PTPRO: variants seen among roughly 807,000 people sequenced by gnomAD.
The protein encoded by PTPRO is protein tyrosine phosphatase receptor type O.
Under a neutral mutation model 145.2 loss-of-function variants are expected in PTPRO, and 62 were observed. That is an observed-to-expected ratio of 0.43 (90% CI 0.35 to 0.53). The LOEUF is 0.53. Ranked by LOEUF, PTPRO falls within the 20% of genes least tolerant of loss-of-function variation. PTPRO has a pLI of 0.01. For missense variants in PTPRO, 1,345 were observed against 1,482.7 expected (o/e 0.91, Z 1.53); for synonymous variants, 565 against 514.7 (o/e 1.10, Z -1.32).
At position 15,501,773 on chromosome 12, in the gene PTPRO, C is replaced by T. The variant is rs775148915; in HGVS notation, c.815C>T (p.Pro272Leu). 1 of 1,614,102 alleles carries T rather than the reference C, an allele frequency of 6.2e-7. No individual in the cohort carries two copies. The highest frequency in any genetic ancestry group is 1.3e-5 in the African/African-American group (1 of 75,056). The part of the protein sequence containing the change: ...EKLFHFTEET[P>L]EIPSGNISSG... ...CTCTTCCATTTTACAGAAGAAACCCCTGAAATTCCCTCGGGCAACATTTCT... is the reference window on the plus strand; with the variant it reads ...CTCTTCCATTTTACAGAAGAAACCCTTGAAATTCCCTCGGGCAACATTTCT... The change falls in exon 5 of 27, where the codon CCT becomes CTT. Residue 272 changes from proline (P) to leucine (L), a missense_variant. This residue lies in a region of PTPRO where 1,130 missense variants were observed against 1,214.7 expected (regional missense o/e 0.93). Transcript: ENST00000281171.
At chr12:15,580,205 G>A in intron 21 of PTPRO, 90 bp downstream of exon 21, 1 of 1,035,160 alleles carries the variant, frequency 9.7e-7, no homozygotes. Flanking sequence ...CAGTTCAAAA[G>A]AGAGCCTTTC....
intron 1 of PTPRO, among the ~76,000 whole-genome samples, chr12:15,471,717 C>T (rs1291176528): frequency 6.6e-6 from 1 of 152,132 alleles, no homozygotes; most frequent in African/African-American, 2.4e-5. Flanking sequence ...GAGGGTATCC[C>T]CAGTGTTCTG....
chr12:15,594,717 CTG>C (rs1173868299), intron 25 of PTPRO, among the ~76,000 whole-genome samples: 1 of 151,992 alleles, frequency 6.6e-6, no homozygotes, highest in Non-Finnish European at 1.5e-5. Flanking sequence ...AAAAATTCCA[CTG>C]TTTTTTTAAA....
In PTPRO at chr12:15,508,589, T is replaced by C. The variant is rs1312451021; in HGVS notation, c.1286T>C (p.Ile429Thr). The stretch of plus-strand genomic sequence containing the variant: ...TGTGCAGGTCCTTCAGGAGAGTGGA[T>C]TGAAGAACTGACCGAGAAGCCGCAG... ...SFYISPSGEW[I>T]EELTEKPQHV... The change falls in exon 7 of 27, where the codon ATT becomes ACT. Residue 429 changes from isoleucine to threonine, a missense_variant. Transcript: ENST00000281171. 3.7e-6 allele frequency: 6 copies of C among 1,613,978 alleles called. No individual in the cohort carries two copies. The highest frequency in any genetic ancestry group is 8.5e-7 in the Non-Finnish European group (1 of 1,179,996).
intron 1 of PTPRO, among the ~76,000 whole-genome samples, chr12:15,330,065 T>A (rs1435512875): frequency 6.6e-6 from 1 of 152,178 alleles, no homozygotes; most frequent in Non-Finnish European, 1.5e-5. Flanking sequence ...GAAAGAAGGA[T>A]CTCTGTATTC....
In PTPRO at chr12:15,524,470, A is replaced by G. The variant is rs139016247; in HGVS notation, c.1892-344A>G. Among the ~76,000 whole-genome samples the G allele has an allele frequency of 5.7e-3, 873 of 152,294 alleles. 10 individuals carry two copies. Among genetic ancestry groups the G allele is most frequent in the African/African-American group, 0.02 (840 of 41,564 alleles). On this transcript the variant is annotated intron_variant, in intron 10 of 26. Transcript: ENST00000281171. ...TTGGCTAATAACTCCACTGATACCT[A>G]TTAATATTAATTGGTTGATGTAACA...
intron 6 of PTPRO, 56 bp from the exon 7 acceptor site, chr12:15,508,515 T>C (rs1198523918): frequency 2.2e-5 from 33 of 1,520,822 alleles, no homozygotes. Flanking sequence ...CCAGAATCTT[T>C]TATCTCAATC....
chr12:15,546,669 CT>C lies in PTPRO; in HGVS notation c.2266del (p.Cys756ValfsTer23), dbSNP rs1943298917. On this transcript the variant is annotated frameshift_variant, in exon 13 of 27. Coordinates refer to ENST00000281171, the MANE Select transcript of PTPRO (RefSeq NM_030667.3). LOFTEE classifies it high-confidence loss of function. ...EGVADFFEVF[C>X]QQVGSSQKTK... ...GAGTAGCTGATTTCTTTGAAGTTTT[CT>C]GTCAACAAGTTGGCTCCAGTCAGAA... is the stretch of plus-strand genomic sequence containing the variant. 1 of 1,613,858 alleles carries C rather than the reference CT, an allele frequency of 6.2e-7. No individual in the cohort carries two copies.
chr12:15,587,168 T>G lies in PTPRO; in HGVS notation c.3410+117T>G, dbSNP rs907189201. 10 of 1,136,214 alleles carry G rather than the reference T, an allele frequency of 8.8e-6. No individual in the cohort carries two copies. The African/African-American group carries it at 1.5e-4, about 18-fold the overall frequency. The allele number at this position is 1,136,214 out of a possible 1,614,324, so 70.4% of individuals were successfully genotyped here. A position where few individuals can be genotyped will look rare whatever the true frequency, so the allele number is the denominator to read the frequency against. ...GTTGAAAATTAAATAAACTCTGATG[T>G]TTTTTAAACTATGATTAATTGATGT... On this transcript the variant is annotated intron_variant, in intron 24 of 26. Coordinates refer to ENST00000281171, the MANE Select transcript of PTPRO (RefSeq NM_030667.3).
intron 4 of PTPRO, among the ~76,000 whole-genome samples, chr12:15,500,099 A>ATGGG: frequency 6.6e-6 from 1 of 151,894 alleles, no homozygotes; most frequent in East Asian, 1.9e-4. Flanking sequence ...GGATGGATGG[A>ATGGG]TGGATGGATG....
chr12:15,350,237 G>T (rs73308736), intron 1 of PTPRO, among the ~76,000 whole-genome samples: 13,589 of 152,092 alleles, frequency 0.089, 1,834 homozygotes, highest in African/African-American at 0.29. Context: ...TAACACCAAC[G>T]CTGACTACCA....
At chr12:15,480,921 A>C (rs1243339189) in intron 1 of PTPRO, among the ~76,000 whole-genome samples, 1 of 152,164 alleles carries the variant, frequency 6.6e-6, no homozygotes, top group Non-Finnish European at 1.5e-5. Context: ...GTCTTTAGTC[A>C]GTTGTTTATT....
intron 18 of PTPRO, among the ~76,000 whole-genome samples, chr12:15,568,929 G>C (rs1282161912): frequency 6.6e-6 from 1 of 152,190 alleles, no homozygotes; most frequent in Non-Finnish European, 1.5e-5. Flanking sequence ...AACTTACAAA[G>C]TTCTTTATGT....
chr12:15,433,389 T>A lies in PTPRO; in HGVS notation c.76-50585T>A, dbSNP rs540234169. On this transcript the variant is annotated intron_variant, in intron 1 of 26. Transcript: ENST00000281171. ...TAGTAGAGACAGGGTTTCACCGTGT[T>A]AGCCAGGATGGTCTTGATCTCCTGA... 3.9e-5 allele frequency among the ~76,000 whole-genome samples: 6 copies of A among 152,300 alleles called. No individual in the cohort carries two copies. The East Asian group carries it at 1.2e-3, about 29-fold the overall frequency.
intron 1 of PTPRO, among the ~76,000 whole-genome samples, chr12:15,430,279 G>T (rs951462676): frequency 3.9e-5 from 6 of 151,948 alleles, no homozygotes; most frequent in African/African-American, 1.2e-4. Flanking sequence ...GCAGAAGAAG[G>T]GTGGCAGAAG....
Position 15,496,134 on chromosome 12 carries a change from C to CT in PTPRO, c.350-1104dup, listed in dbSNP as rs1349321752. On this transcript the variant is annotated intron_variant, in intron 2 of 26. Coordinates refer to ENST00000281171, the MANE Select transcript of PTPRO (RefSeq NM_030667.3). The stretch of plus-strand genomic sequence containing the variant: ...TTTTACTTATGTTCATTTTTCTTTT[C>CT]TTTTTTTGTTTTTTTTTTTTTTTTT... Among the ~76,000 whole-genome samples the CT allele has an allele frequency of 9.9e-4, 92 of 93,130 alleles. 2 individuals are homozygous for CT. Among genetic ancestry groups the CT allele is most frequent in the East Asian group, 3.7e-3 (11 of 3,006 alleles). 61.1% of individuals were successfully genotyped at this position (93,130 alleles called of 152,430 possible).
chr12:15,323,366 A>G (rs948436730), intron 1 of PTPRO, among the ~76,000 whole-genome samples: 9 of 152,212 alleles, frequency 5.9e-5, no homozygotes, highest in African/African-American at 2.2e-4. Flanking sequence ...ACATCTTTAC[A>G]ATTCCTTTTA....
Position 15,477,667 on chromosome 12 carries a change from G to A in PTPRO, c.76-6307G>A, listed in dbSNP as rs377008139. On this transcript the variant is annotated intron_variant, in intron 1 of 26. Coordinates refer to ENST00000281171, the MANE Select transcript of PTPRO (RefSeq NM_030667.3). ...GGAGTTAGCCTTCAGAGCGTGAGTC[G>A]GGACAAAGTGGCAAGAACAGGAGCA... 2.7e-4 allele frequency among the ~76,000 whole-genome samples: 41 copies of A among 152,146 alleles called. 1 individual carries two copies. The East Asian group carries it at 6.2e-3, about 23-fold the overall frequency.
intron 12 of PTPRO, among the ~76,000 whole-genome samples, chr12:15,541,868 C>T (rs935909359): frequency 6.6e-6 from 1 of 151,872 alleles, no homozygotes; most frequent in Non-Finnish European, 1.5e-5. Context: ...AAAAATTAGC[C>T]GGGTGTGGTG....
Sources: gnomAD v4.1 joint callset for allele counts (sites outside exome capture counted in the v4.1 genomes callset) on GRCh38, gnomAD v4.1.1 for gene constraint, gnomAD v4.1.1 regional missense constraint, MANE v1.5 for transcripts, NCBI Gene and HGNC (gene_info 2026-07-23, HGNC 2026-07-21) for gene names.